The following PCDH9 variants were observed in gnomAD, a reference collection of about 807,000 sequenced individuals.
The protein encoded by PCDH9 is protocadherin 9, also known as protocadherin-9.
PCDH9 carries 24 observed loss-of-function variants against 70.6 expected under a neutral mutation model. The observed-to-expected ratio is 0.34, with a 90% CI of 0.25 to 0.48. The LOEUF (loss-of-function observed/expected upper bound fraction) is 0.48. Among genes scored for constraint, PCDH9 ranks in the 20% least tolerant of loss-of-function variants. The pLI is 0.99. For synonymous variants in PCDH9, 562 were observed against 558.5 expected (o/e 1.01, Z -0.09); for missense variants, 1,281 against 1,503.6 (o/e 0.85, Z 2.45).
chr13:67,157,345 T>C (rs2087841204), intron 2 of PCDH9, among the ~76,000 whole-genome samples: 1 of 152,226 alleles, frequency 6.6e-6, no homozygotes, highest in Admixed American at 6.5e-5. Context: ...GATTTTCTTA[T>C]ATTCATTTGT....
chr13:66,442,548 A>G (rs1957993599), intron 4 of PCDH9, among the ~76,000 whole-genome samples: 1 of 152,122 alleles, frequency 6.6e-6, no homozygotes, highest in Non-Finnish European at 1.5e-5. Flanking sequence ...TCTTTTCCAA[A>G]GAGTGAGATT....
At chr13:67,206,403 A>G (rs918404819) in intron 2 of PCDH9, 1 of 152,056 alleles carries the variant, frequency 6.6e-6, no homozygotes, top group Non-Finnish European at 1.5e-5. Context: ...TGAGCTCATG[A>G]TCTGCCCGCC....
At chr13:66,578,264 A>G (rs1030049288) in intron 4 of PCDH9, among the ~76,000 whole-genome samples, 1 of 152,076 alleles carries the variant, frequency 6.6e-6, no homozygotes, top group Non-Finnish European at 1.5e-5. Context: ...TGAATGTGAT[A>G]TTTACCTACT....
intron 3 of PCDH9, among the ~76,000 whole-genome samples, chr13:66,761,821 T>TA (rs35282933): frequency 0.13 from 19,865 of 151,520 alleles, 1,345 homozygotes; most frequent in Middle Eastern, 0.18. Flanking sequence ...TGAGCTTCCT[T>TA]AAAAAAAATC....
chr13:66,929,063 A>G (rs2082762301), intron 2 of PCDH9, among the ~76,000 whole-genome samples: 1 of 152,148 alleles, frequency 6.6e-6, no homozygotes, highest in South Asian at 2.1e-4. Flanking sequence ...TTTTAAATGT[A>G]CTTACCTTTA....
chr13:67,193,277 T>C (rs990409180), intron 2 of PCDH9, among the ~76,000 whole-genome samples: 3 of 151,854 alleles, frequency 2.0e-5, no homozygotes, highest in Non-Finnish European at 2.9e-5. Context: ...CCTTGAAGGT[T>C]TAGTTCTTGG....
At chr13:66,752,842 A>C in intron 3 of PCDH9, among the ~76,000 whole-genome samples, 1 of 152,192 alleles carries the variant, frequency 6.6e-6, no homozygotes, top group East Asian at 1.9e-4. Flanking sequence ...AATAGGGGTT[A>C]ACCTTTCAAC....
chr13:66,735,222 C>A (rs73499453), intron 3 of PCDH9, among the ~76,000 whole-genome samples: 1 of 152,278 alleles, frequency 6.6e-6, no homozygotes, highest in African/African-American at 2.4e-5. Context: ...CTTCCTTTGA[C>A]ACATATGCTG....
chr13:66,357,974 A>G (rs1956412813), intron 4 of PCDH9, among the ~76,000 whole-genome samples: 1 of 152,054 alleles, frequency 6.6e-6, no homozygotes, highest in Non-Finnish European at 1.5e-5. Context: ...TAATCATAAT[A>G]AATGGAATAA....
At chr13:66,991,810 T>C (rs544072770) in intron 2 of PCDH9, among the ~76,000 whole-genome samples, 1 of 152,198 alleles carries the variant, frequency 6.6e-6, no homozygotes, top group East Asian at 1.9e-4. Flanking sequence ...CAATGAAGGA[T>C]ACTAATAAAT....
At chr13:67,171,735 T>C (rs2088291364) in intron 2 of PCDH9, among the ~76,000 whole-genome samples, 1 of 152,186 alleles carries the variant, frequency 6.6e-6, no homozygotes. Flanking sequence ...GGAGACCTGT[T>C]TGAGGCGATT....
In PCDH9 at chr13:66,560,435, C is replaced by T. The variant is rs76735366; in HGVS notation, c.3340+70775G>A. ...ACAATGTAAGGAGCTGGACCTTGTG[C>T]ACTCTTGCTCCTCTCTTGCTGTGAG... On this transcript the variant is annotated intron_variant, in intron 4 of 4. Coordinates refer to ENST00000377865, the MANE Select transcript of PCDH9 (RefSeq NM_203487.3). Among the ~76,000 whole-genome samples the T allele has an allele frequency of 1.7e-4, 25 of 151,052 alleles. No homozygotes were observed. In the East Asian group the frequency reaches 4.8e-3, roughly 29 times the overall value.
At chr13:66,382,814 T>C (rs1055096106) in intron 4 of PCDH9, among the ~76,000 whole-genome samples, 1 of 152,128 alleles carries the variant, frequency 6.6e-6, no homozygotes, top group African/African-American at 2.4e-5. Context: ...GTGGATCACT[T>C]GAGGTCAGGA....
chr13:67,082,105 TAAG>T (rs1241458745), intron 2 of PCDH9, among the ~76,000 whole-genome samples: 1 of 152,206 alleles, frequency 6.6e-6, no homozygotes. Context: ...TTGCATGTGA[TAAG>T]AACATTTAAG....
intron 3 of PCDH9, among the ~76,000 whole-genome samples, chr13:66,730,897 T>TTTTTTTTTTTTTGTTTTG (rs1555262885): frequency 1.5e-5 from 2 of 129,100 alleles, no homozygotes; most frequent in Non-Finnish European, 3.2e-5. Context: ...GTTTGTTTCT[T>TTTTTTTTTTTTTGTTTTG]TTTTTTTGTG....
intron 3 of PCDH9, among the ~76,000 whole-genome samples, chr13:66,801,996 CTGTT>C (rs71207605): frequency 0.024 from 3,628 of 149,714 alleles, 58 homozygotes; most frequent in African/African-American, 0.031. Context: ...AGGTGTTTTT[CTGTT>C]TGTTTGTTTG....
chr13:66,906,328 G>C (rs1234586040), intron 2 of PCDH9, among the ~76,000 whole-genome samples: 1 of 152,206 alleles, frequency 6.6e-6, no homozygotes, highest in African/African-American at 2.4e-5. Flanking sequence ...TTTGATAATA[G>C]TTCAAACATG....
chr13:66,595,092 A>G (rs528470291), intron 4 of PCDH9, among the ~76,000 whole-genome samples: 89 of 151,562 alleles, frequency 5.9e-4, no homozygotes, highest in African/African-American at 2.1e-3. Context: ...TGAAAACTAT[A>G]TAGGCCTCTG....
intron 2 of PCDH9, among the ~76,000 whole-genome samples, chr13:66,933,892 CAA>C (rs10570715): frequency 0.34 from 33,911 of 100,902 alleles, 4,139 homozygotes; most frequent in East Asian, 0.53. Flanking sequence ...ATAAGCTAGG[CAA>C]AAAAAAAAAA....
Sources: gnomAD v4.1 joint callset for allele counts (sites outside exome capture counted in the v4.1 genomes callset) on GRCh38, gnomAD v4.1.1 for gene constraint, MANE v1.5 for transcripts, NCBI Gene and HGNC (gene_info 2026-07-23, HGNC 2026-07-21) for gene names.